Variants in NSRP1 observed in about 807,000 individuals in gnomAD.
NSRP1 encodes coiled-coil domain containing 55.
Under a neutral mutation model 54.7 loss-of-function variants are expected in NSRP1, and 24 were observed. The observed-to-expected ratio is 0.44, with a 90% CI of 0.32 to 0.62. The LOEUF (loss-of-function observed/expected upper bound fraction) is 0.62. Ranked by LOEUF, NSRP1 falls within the 20% of genes least tolerant of loss-of-function variation. The pLI is 0.06. For synonymous variants in NSRP1, 210 were observed against 213.8 expected (o/e 0.98, Z 0.15); for missense variants, 596 against 651.2 (o/e 0.92, Z 0.92).
At chr17:30,140,341 A>G (rs979122548) in intron 2 of NSRP1, among the ~76,000 whole-genome samples, 5 of 152,160 alleles carry the variant, frequency 3.3e-5, no homozygotes, top group African/African-American at 9.7e-5. Flanking sequence ...AAACCCATGC[A>G]TGTAAACAAA....
intron 2 of NSRP1, chr17:30,150,153 T>G (rs2071892688): frequency 6.6e-6 from 1 of 152,170 alleles, no homozygotes; most frequent in Non-Finnish European, 1.5e-5. Flanking sequence ...CAATCTCGGC[T>G]TACTGCAACC....
chr17:30,170,339 T>A (rs1177465620), intron 2 of NSRP1, among the ~76,000 whole-genome samples: 1 of 152,160 alleles, frequency 6.6e-6, no homozygotes, highest in East Asian at 1.9e-4. Flanking sequence ...CAGCTACAAT[T>A]TACTCATTTA....
At chr17:30,182,701 A>G (rs918938041) in intron 6 of NSRP1, among the ~76,000 whole-genome samples, 2 of 150,770 alleles carry the variant, frequency 1.3e-5, no homozygotes, top group Admixed American at 1.3e-4. Context: ...TTGGGAGGCC[A>G]AGGCGGGCGG....
chr17:30,129,395 C>T (rs982937137), intron 2 of NSRP1, among the ~76,000 whole-genome samples: 7 of 145,866 alleles, frequency 4.8e-5, no homozygotes, highest in African/African-American at 1.3e-4. Context: ...ATAATTTTGA[C>T]GAATACAAGG....
chr17:30,128,190 T>C (rs951036110), intron 2 of NSRP1: 1 of 162,914 alleles, frequency 6.1e-6, no homozygotes, highest in Non-Finnish European at 1.3e-5. Flanking sequence ...ATATATAAAA[T>C]TATATATATA....
At chr17:30,133,239 C>T (rs999457034) in intron 2 of NSRP1, among the ~76,000 whole-genome samples, 1 of 151,908 alleles carries the variant, frequency 6.6e-6, no homozygotes, top group African/African-American at 2.4e-5. Flanking sequence ...AGGTATGAGC[C>T]ACCACACCTG....
In NSRP1 at chr17:30,116,850, A is replaced by T; in HGVS notation, c.7A>T (p.Ile3Phe). Reference sequence around the variant, plus strand: ...CAGCGGACACGGGAGCAAGATGGCGATTCCGGGCAGGCAGTGAGTGATCCG... The same window carrying T: ...CAGCGGACACGGGAGCAAGATGGCGTTTCCGGGCAGGCAGTGAGTGATCCG... MA[I>F]PGRQYGLILP... The change falls in exon 1 of 7, where the codon ATT (isoleucine) becomes TTT (phenylalanine). Residue 3 changes from isoleucine (I) to phenylalanine (F), a missense_variant. Physicochemically the swap from Ile to Phe is conservative, Grantham distance 21. Coordinates refer to ENST00000247026, the MANE Select transcript of NSRP1 (RefSeq NM_032141.4). The T allele has an allele frequency of 6.3e-7, 1 of 1,576,234 alleles. No homozygotes were observed. Among genetic ancestry groups the T allele is most frequent in the Non-Finnish European group, 8.6e-7 (1 of 1,160,420 alleles).
intron 2 of NSRP1, among the ~76,000 whole-genome samples, chr17:30,170,689 A>G (rs1904898533): frequency 6.6e-6 from 1 of 152,214 alleles, no homozygotes; most frequent in South Asian, 2.1e-4. Context: ...TTGTCAATGA[A>G]CAGGTAGATT....
chr17:30,144,005 AT>A (rs1446840999), intron 2 of NSRP1: 1 of 151,916 alleles, frequency 6.6e-6, no homozygotes, highest in African/African-American at 2.4e-5. Context: ...AATTATAAAT[AT>A]TTTTCTACCA....
At chr17:30,147,813 CTT>C (rs113635257) in intron 2 of NSRP1, among the ~76,000 whole-genome samples, 7 of 141,086 alleles carry the variant, frequency 5.0e-5, no homozygotes, top group East Asian at 2.1e-4. Context: ...CACTGACCAA[CTT>C]TTTTTTTTTT....
At chr17:30,117,550 T>G (rs1014685870) in intron 1 of NSRP1, 2 of 398,968 alleles carry the variant, frequency 5.0e-6, no homozygotes, top group African/African-American at 4.1e-5. Flanking sequence ...TAATAAAGTG[T>G]AATGCGAACT....
At chr17:30,157,740 A>T (rs1217545945) in intron 2 of NSRP1, among the ~76,000 whole-genome samples, 1 of 152,124 alleles carries the variant, frequency 6.6e-6, no homozygotes, top group Admixed American at 6.5e-5. Context: ...TTTAGCTCCC[A>T]CATATGAGTG....
chr17:30,141,654 C>T (rs2071806249), intron 2 of NSRP1, among the ~76,000 whole-genome samples: 1 of 152,038 alleles, frequency 6.6e-6, no homozygotes. Context: ...TGTATTTGTG[C>T]TTTGTTAATT....
intron 2 of NSRP1, among the ~76,000 whole-genome samples, chr17:30,145,900 A>T (rs1460496504): frequency 6.6e-6 from 1 of 152,180 alleles, no homozygotes; most frequent in Non-Finnish European, 1.5e-5. Context: ...CTCAGGCTTG[A>T]GTGCAGAGGC....
intron 2 of NSRP1, among the ~76,000 whole-genome samples, chr17:30,148,541 G>T (rs1280658896): frequency 1.3e-5 from 2 of 152,226 alleles, no homozygotes; most frequent in Non-Finnish European, 2.9e-5. Context: ...ATCAGGAAAA[G>T]CCTGGTTCAG....
intron 2 of NSRP1, among the ~76,000 whole-genome samples, chr17:30,147,288 C>G (rs1273438915): frequency 6.6e-6 from 1 of 151,414 alleles, no homozygotes; most frequent in Non-Finnish European, 1.5e-5. Flanking sequence ...GCCACCATGC[C>G]CCAGCTAATT....
At chr17:30,143,841 T>G (rs1305869795) in intron 2 of NSRP1, among the ~76,000 whole-genome samples, 2 of 152,154 alleles carry the variant, frequency 1.3e-5, no homozygotes, top group African/African-American at 4.8e-5. Context: ...ATTGAATTGT[T>G]TGCAACTAAG....
At chr17:30,159,969 G>C (rs917121011) in intron 2 of NSRP1, among the ~76,000 whole-genome samples, 1 of 152,096 alleles carries the variant, frequency 6.6e-6, no homozygotes, top group African/African-American at 2.4e-5. Context: ...GCCAAGGTAT[G>C]TTTTTTCTGT....
chr17:30,137,804 T>C (rs1035414500), intron 2 of NSRP1, among the ~76,000 whole-genome samples: 4 of 152,238 alleles, frequency 2.6e-5, no homozygotes, highest in Admixed American at 1.3e-4. Flanking sequence ...CTTGGTGTAT[T>C]ATTCTTTAAA....
Sources: gnomAD v4.1 joint callset for allele counts (sites outside exome capture counted in the v4.1 genomes callset) on GRCh38, gnomAD v4.1.1 for gene constraint, MANE v1.5 for transcripts, NCBI Gene and HGNC (gene_info 2026-07-23, HGNC 2026-07-21) for gene names.